Variants in PARD3B observed in about 807,000 individuals in gnomAD.
The protein encoded by PARD3B is par-3 family cell polarity regulator beta, also known as partitioning defective 3 homolog B.
A neutral mutation model predicts 130.2 loss-of-function variants in PARD3B; 103 were observed. The ratio of observed to expected loss-of-function variants is 0.79; its 90% CI spans 0.67 to 0.93. The LOEUF is 0.93. Among genes scored for constraint, PARD3B ranks in the 40% least tolerant of loss-of-function variants. The probability of loss-of-function intolerance (pLI) is 0.00; values close to 1 mark genes in which losing one functional copy is unlikely to be tolerated. For synonymous variants in PARD3B, 583 were observed against 553.2 expected, an observed-to-expected ratio of 1.05 and a Z score of -0.76; for missense variants, 1,609 against 1,499.2, an observed-to-expected ratio of 1.07 and a Z score of -1.21.
chr2:204,780,477 A>C (rs1257373940), intron 2 of PARD3B, among the ~76,000 whole-genome samples: 4 of 152,212 alleles, frequency 2.6e-5, no homozygotes, highest in Non-Finnish European at 5.9e-5. Context: ...AGTGTGTTCT[A>C]AATAATTTAT....
intron 1 of PARD3B, among the ~76,000 whole-genome samples, chr2:204,562,256 A>G (rs2031365903): frequency 6.6e-6 from 1 of 152,162 alleles, no homozygotes. Flanking sequence ...GAGCTTCCTG[A>G]TGTTTATGGA....
chr2:204,631,604 C>T (rs1264906918), intron 1 of PARD3B, among the ~76,000 whole-genome samples: 2 of 152,108 alleles, frequency 1.3e-5, no homozygotes, highest in Non-Finnish European at 2.9e-5. Flanking sequence ...GGCGTTTAGC[C>T]CATTTACATT....
At chr2:204,619,922 G>T (rs1037487730) in intron 1 of PARD3B, among the ~76,000 whole-genome samples, 1 of 152,094 alleles carries the variant, frequency 6.6e-6, no homozygotes, top group Non-Finnish European at 1.5e-5. Flanking sequence ...CTTATTGTAG[G>T]CACTCAGGCT....
intron 21 of PARD3B, among the ~76,000 whole-genome samples, chr2:205,511,180 C>G (rs2050575382): frequency 6.6e-6 from 1 of 152,074 alleles, no homozygotes; most frequent in South Asian, 2.1e-4. Context: ...AATATTGAAC[C>G]AAAATCAAAG....
Position 205,122,854 on chromosome 2 carries a change from T to C in PARD3B, c.1165+905T>C, listed in dbSNP as rs765299995. Among the ~76,000 whole-genome samples the C allele has an allele frequency of 6.6e-6, 1 of 152,226 alleles. No homozygotes were observed. Among genetic ancestry groups the C allele is most frequent in the Non-Finnish European group, 1.5e-5 (1 of 68,030 alleles). ...TCATTCACCTATAAGAATTCTATTC[T>C]GGGAATAAAATACATTGACTAGTAG... On this transcript the variant is annotated intron_variant, in intron 8 of 22. Coordinates refer to ENST00000406610, the MANE Select transcript of PARD3B (RefSeq NM_001302769.2). This position sits in a 1 kb window ranked among gnomAD's most constrained non-coding sequence, Gnocchi z 4.3.
Position 205,105,437 on chromosome 2 carries a change from C to T in PARD3B, c.593+923C>T, listed in dbSNP as rs1339761686. ...GTTACTTCAGCATTAGGTAAAGCTA[C>T]TGAAGTTTATAATTATTCATGCAGT... is the stretch of plus-strand genomic sequence containing the variant. On this transcript the variant is annotated intron_variant, in intron 5 of 22. Coordinates refer to ENST00000406610, the MANE Select transcript of PARD3B (RefSeq NM_001302769.2). This position sits in a 1 kb window ranked among gnomAD's most constrained non-coding sequence, Gnocchi z 4.0. Among the ~76,000 whole-genome samples the T allele has an allele frequency of 2.6e-5, 4 of 152,142 alleles. No homozygotes were observed. The highest frequency in any genetic ancestry group is 2.6e-4 in the Admixed American group (4 of 15,280).
chr2:205,396,650 T>G (rs970469390), intron 18 of PARD3B, among the ~76,000 whole-genome samples: 3 of 152,224 alleles, frequency 2.0e-5, no homozygotes, highest in African/African-American at 4.8e-5. Flanking sequence ...TTTTATTGAT[T>G]AAAGCCATAT....
intron 4 of PARD3B, among the ~76,000 whole-genome samples, chr2:205,076,672 G>T (rs763970181): frequency 1.3e-5 from 2 of 152,066 alleles, no homozygotes; most frequent in Non-Finnish European, 2.9e-5. Context: ...TGGAAGTGTG[G>T]ATCCTATTGT....
intron 22 of PARD3B, among the ~76,000 whole-genome samples, chr2:205,607,335 C>T (rs1046646773): frequency 1.3e-5 from 2 of 152,126 alleles, no homozygotes; most frequent in South Asian, 2.1e-4. Flanking sequence ...CCGGTGCCAG[C>T]AGGCACCATG....
intron 2 of PARD3B, among the ~76,000 whole-genome samples, chr2:204,825,891 T>G (rs1176569276): frequency 6.6e-6 from 1 of 152,178 alleles, no homozygotes; most frequent in Non-Finnish European, 1.5e-5. Flanking sequence ...ATTTTCGTTG[T>G]TTTGGTTGTT....
intron 1 of PARD3B, among the ~76,000 whole-genome samples, chr2:204,622,380 G>A (rs1366762189): frequency 6.6e-6 from 1 of 152,022 alleles, no homozygotes; most frequent in African/African-American, 2.4e-5. Flanking sequence ...TCCGTGTATG[G>A]CATTTGCTGT....
chr2:205,396,271 A>T (rs1232902373), intron 18 of PARD3B, among the ~76,000 whole-genome samples: 1 of 152,140 alleles, frequency 6.6e-6, no homozygotes, highest in East Asian at 1.9e-4. Flanking sequence ...ACAATTATGG[A>T]TATATACTTG....
At chr2:205,543,659 T>C (rs2052263397) in intron 21 of PARD3B, among the ~76,000 whole-genome samples, 1 of 152,204 alleles carries the variant, frequency 6.6e-6, no homozygotes, top group Non-Finnish European at 1.5e-5. Context: ...GGCAAGTCTC[T>C]TGATGATCTC....
At chr2:205,481,398 G>A (rs766253637) in intron 20 of PARD3B, among the ~76,000 whole-genome samples, 1 of 152,102 alleles carries the variant, frequency 6.6e-6, no homozygotes, top group Non-Finnish European at 1.5e-5. Context: ...GGAATTCCAT[G>A]AGCAGAGTTG....
In PARD3B at chr2:205,555,177, A is replaced by G. The variant is rs113081580; in HGVS notation, c.3260+1774A>G. Among the ~76,000 whole-genome samples, 548 of 152,316 alleles carry G rather than the reference A, an allele frequency of 3.6e-3. 9 individuals are homozygous for G. Among genetic ancestry groups the G allele is most frequent in the African/African-American group, 0.012 (517 of 41,564 alleles). ...AAACAGTTTAAAATCTTCCTGACCA[A>G]TCTGCACTCAGAGTGCAGAAATGGA... is the stretch of plus-strand genomic sequence containing the variant. On this transcript the variant is annotated intron_variant, in intron 22 of 22. Coordinates refer to ENST00000406610, the MANE Select transcript of PARD3B (RefSeq NM_001302769.2).
intron 18 of PARD3B, among the ~76,000 whole-genome samples, chr2:205,305,440 G>A (rs1210454380): frequency 5.3e-5 from 8 of 152,122 alleles, no homozygotes; most frequent in South Asian, 2.1e-4. Context: ...ATAGACATTC[G>A]TCCTGATGGC....
At chr2:205,032,919 A>T (rs1201840655) in intron 3 of PARD3B, among the ~76,000 whole-genome samples, 2 of 152,204 alleles carry the variant, frequency 1.3e-5, no homozygotes, top group Admixed American at 6.6e-5. Context: ...GATGTTTCTC[A>T]TCTATCAAGA....
At chr2:205,503,109 T>C (rs186882137) in intron 21 of PARD3B, among the ~76,000 whole-genome samples, 56 of 152,006 alleles carry the variant, frequency 3.7e-4, no homozygotes, top group African/African-American at 1.3e-3. Flanking sequence ...TATTACATTT[T>C]AACAAATATT....
intron 2 of PARD3B, among the ~76,000 whole-genome samples, chr2:204,949,110 C>T (rs1053540616): frequency 6.6e-6 from 1 of 152,134 alleles, no homozygotes; most frequent in Non-Finnish European, 1.5e-5. Context: ...AAACAGATTA[C>T]ATTTGGAGAT....
Sources: allele counts gnomAD v4.1 joint callset (sites outside exome capture counted in the v4.1 genomes callset), GRCh38; gene constraint gnomAD v4.1.1; non-coding constraint Gnocchi (gnomAD v3.1); transcripts MANE v1.5; gene names NCBI Gene and HGNC (gene_info 2026-07-23, HGNC 2026-07-21).